The following PEAK1 variants were observed in gnomAD, a reference collection of about 807,000 sequenced individuals.
PEAK1 encodes pseudopodium enriched atypical kinase 1, also known as inactive tyrosine-protein kinase PEAK1.
PEAK1 carries 54 observed loss-of-function variants against 124.7 expected under a neutral mutation model. The observed-to-expected ratio is 0.43, with a 90% confidence interval of 0.35 to 0.54. The LOEUF is 0.54. Among genes scored for constraint, PEAK1 ranks in the 20% least tolerant of loss-of-function variants. PEAK1 has a pLI of 0.01. For synonymous variants in PEAK1, 719 were observed against 760.0 expected, an observed-to-expected ratio of 0.95 and a Z score of 0.89; for missense variants, 2,046 against 2,134.5, an observed-to-expected ratio of 0.96 and a Z score of 0.82.
chr15:77,368,474 C>T (rs959005633), intron 1 of PEAK1, among the ~76,000 whole-genome samples: 16 of 150,966 alleles, frequency 1.1e-4, no homozygotes, highest in South Asian at 8.4e-4. Context: ...GCTGAGATCA[C>T]GCCACTGTAC....
intron 8 of PEAK1, among the ~76,000 whole-genome samples, chr15:77,142,967 A>C (rs754609567): frequency 2.6e-5 from 4 of 152,200 alleles, no homozygotes; most frequent in Non-Finnish European, 4.4e-5. Context: ...TAGTAGGGTG[A>C]ATTTTATGGA....
intron 2 of PEAK1, among the ~76,000 whole-genome samples, chr15:77,355,161 A>T (rs978451164): frequency 6.6e-6 from 1 of 152,192 alleles, no homozygotes; most frequent in African/African-American, 2.4e-5. Context: ...AAATAAGTAC[A>T]ACACAGGGAT....
chr15:77,139,066 C>CATT (rs1471318485), intron 8 of PEAK1, among the ~76,000 whole-genome samples: 3 of 152,044 alleles, frequency 2.0e-5, no homozygotes. Flanking sequence ...AAGATGAGGT[C>CATT]ATTAGAGTGG....
At chr15:77,184,081 C>T (rs1472391280) in intron 6 of PEAK1, among the ~76,000 whole-genome samples, 1 of 151,874 alleles carries the variant, frequency 6.6e-6, no homozygotes, top group African/African-American at 2.4e-5. Flanking sequence ...CCAGCTGCCT[C>T]GGCCTCCCCA....
chr15:77,297,277 C>T (rs1164416455), intron 2 of PEAK1, among the ~76,000 whole-genome samples: 2 of 151,798 alleles, frequency 1.3e-5, no homozygotes. Flanking sequence ...TTTTCACTGC[C>T]TCTGATAGTA....
intron 1 of PEAK1, chr15:77,418,212 C>T: frequency 1.0e-6 from 1 of 985,310 alleles, no homozygotes; most frequent in Non-Finnish European, 1.2e-6. Flanking sequence ...TTTTCTTTCA[C>T]CAAAACACTT....
intron 6 of PEAK1, among the ~76,000 whole-genome samples, chr15:77,199,471 C>T (rs558849999): frequency 6.6e-6 from 1 of 152,262 alleles, no homozygotes; most frequent in South Asian, 2.1e-4. Flanking sequence ...ATAGAGAGAA[C>T]ACCATGAAAG....
Position 77,299,807 on chromosome 15 carries a change from A to G in PEAK1, c.-602-13303T>C, listed in dbSNP as rs147246871. Among the ~76,000 whole-genome samples the G allele has an allele frequency of 3.0e-4, 46 of 152,326 alleles. No individual in the cohort carries two copies. The South Asian group carries it at 3.3e-3, about 11-fold the overall frequency. On this transcript the variant is annotated intron_variant, in intron 2 of 9. Coordinates refer to ENST00000682557, the MANE Select transcript of PEAK1 (RefSeq NM_001385026.1). ...GGAATTAGAAAGATCACTGATTACAATAATTGGCAAATGGTGATCTTTCCA... is the reference window on the plus strand; with the variant it reads ...GGAATTAGAAAGATCACTGATTACAGTAATTGGCAAATGGTGATCTTTCCA...
chr15:77,150,910 T>G (rs1018408194), intron 8 of PEAK1, among the ~76,000 whole-genome samples: 3 of 152,132 alleles, frequency 2.0e-5, no homozygotes, highest in African/African-American at 7.2e-5. Flanking sequence ...TCCAATCTAT[T>G]GTTGTTGGAC....
At chr15:77,135,149 T>C (rs1341137287) in intron 8 of PEAK1, among the ~76,000 whole-genome samples, 3 of 152,204 alleles carry the variant, frequency 2.0e-5, no homozygotes, top group Non-Finnish European at 4.4e-5. Context: ...AGAATATATT[T>C]GTGTTGTTCT....
intron 2 of PEAK1, chr15:77,334,694 A>G (rs1302896149): frequency 1.0e-6 from 1 of 985,044 alleles, no homozygotes; most frequent in Non-Finnish European, 1.2e-6. Context: ...TTTTTTAACA[A>G]TGTGTGTGCT....
rs1465885507 is a variant in PEAK1, at chr15:77,408,016, CACATATATACACACATATAT to C, written c.-666+11970_-666+11989del. ...ACACATACACACACGTACACATATA[CACATATATACACACATATAT>C]ACATATATACACATACATGCATAGA... On this transcript the variant is annotated intron_variant, in intron 1 of 9. Coordinates refer to ENST00000682557, the MANE Select transcript of PEAK1 (RefSeq NM_001385026.1). Among the ~76,000 whole-genome samples, 32 of 150,950 alleles carry C rather than the reference CACATATATACACACATATAT, an allele frequency of 2.1e-4. No individual in the cohort carries two copies. In the East Asian group the frequency reaches 6.0e-3, roughly 28 times the overall value.
chr15:77,119,455 C>T (rs55905771), intron 9 of PEAK1, among the ~76,000 whole-genome samples: 3,975 of 152,294 alleles, frequency 0.026, 77 homozygotes, highest in Middle Eastern at 0.058. Context: ...TCTCATGGCT[C>T]CTGAGCACTT....
At chr15:77,283,848 C>A (rs978064265) in intron 5 of PEAK1, 35 bp downstream of exon 5, 1 of 952,910 alleles carries the variant, frequency 1.0e-6, no homozygotes, top group Admixed American at 6.2e-5. Context: ...AAAATTAAAT[C>A]AACTCATAGA....
intron 6 of PEAK1, among the ~76,000 whole-genome samples, chr15:77,231,810 TAC>T (rs2059920824): frequency 6.6e-6 from 1 of 152,178 alleles, no homozygotes; most frequent in African/African-American, 2.4e-5. Context: ...GAATAATTGT[TAC>T]ACTCATTTCC....
intron 1 of PEAK1, chr15:77,419,501 C>T: frequency 1.0e-6 from 1 of 985,356 alleles, no homozygotes; most frequent in Non-Finnish European, 1.2e-6. Context: ...AGGGAGCCAC[C>T]CGGCTCCGTC....
intron 2 of PEAK1, among the ~76,000 whole-genome samples, chr15:77,294,693 T>A (rs2063393185): frequency 6.6e-6 from 1 of 152,202 alleles, no homozygotes; most frequent in African/African-American, 2.4e-5. Context: ...GCATAGAGCA[T>A]CTGGCATACC....
intron 2 of PEAK1, among the ~76,000 whole-genome samples, chr15:77,353,233 TG>T (rs1211079896): frequency 6.6e-6 from 1 of 152,246 alleles, no homozygotes; most frequent in Non-Finnish European, 1.5e-5. Context: ...AAATCCAGGC[TG>T]GCATTTAACT....
At position 77,181,359 on chromosome 15, in the gene PEAK1, T is replaced by G; in HGVS notation, c.568A>C (p.Arg190=). The G allele has an allele frequency of 6.2e-7, 1 of 1,614,188 alleles. No individual in the cohort carries two copies. Among genetic ancestry groups the G allele is most frequent in the Non-Finnish European group, 8.5e-7 (1 of 1,180,024 alleles). The change falls in exon 7 of 10, where the codon AGA becomes CGA. Residue 190 remains arginine (R), a synonymous_variant. Transcript: ENST00000682557. ...INDCYKRSLE[R]KLPPSCMIGG... is the part of the protein sequence containing the mutation. The stretch of plus-strand genomic sequence containing the variant: ...ATCATGCAACTTGGTGGAAGCTTTC[T>G]TTCCAATGATCGTTTATAGCAATCA...
Sources: gnomAD v4.1 joint callset for allele counts (sites outside exome capture counted in the v4.1 genomes callset) on GRCh38, gnomAD v4.1.1 for gene constraint, MANE v1.5 for transcripts, NCBI Gene and HGNC (gene_info 2026-07-23, HGNC 2026-07-21) for gene names.